Variants in PSTPIP1 observed in about 807,000 individuals in gnomAD.
PSTPIP1 encodes the protein proline-serine-threonine phosphatase-interacting protein 1.
In PSTPIP1, 66 loss-of-function variants were observed where a neutral mutation model predicts 69.6. The ratio of observed to expected loss-of-function variants is 0.95; its 90% CI spans 0.78 to 1.16. The LOEUF is 1.16. Among genes scored for constraint, PSTPIP1 ranks in the 50% most tolerant of loss-of-function variants. The pLI, the probability that PSTPIP1 is intolerant of heterozygous loss-of-function variation, is 0.00. For synonymous variants in PSTPIP1, 266 were observed against 222.7 expected (o/e 1.19, Z -1.73); for missense variants, 603 against 557.4 (o/e 1.08, Z -0.82).
chr15:77,016,037 T>C (rs761188054), intron 1 of PSTPIP1: 1 of 456,166 alleles, frequency 2.2e-6, no homozygotes, highest in Non-Finnish European at 4.4e-6. Flanking sequence ...GGGGCCTCCA[T>C]AAGGACAGGA....
At chr15:77,011,641 A>G (rs2075936343) in intron 1 of PSTPIP1, among the ~76,000 whole-genome samples, 1 of 152,182 alleles carries the variant, frequency 6.6e-6, no homozygotes, top group Non-Finnish European at 1.5e-5. Flanking sequence ...GGGCCATCTC[A>G]GACAGCTGTA....
intron 1 of PSTPIP1, among the ~76,000 whole-genome samples, chr15:77,016,702 GGGGGCACTGTT>G (rs2076059406): frequency 6.6e-6 from 1 of 152,004 alleles, no homozygotes. Context: ...TGTGGGGAGG[GGGGGCACTGTT>G]GGGGCAATTT....
chr15:77,035,436 C>G, intron 12 of PSTPIP1, 72 bp from the exon 13 acceptor site: 1 of 1,479,348 alleles, frequency 6.8e-7, no homozygotes, highest in Non-Finnish European at 9.2e-7. Context: ...CTCTCCCTGT[C>G]TAAACCCTCC....
chr15:77,018,307 C>A, intron 2 of PSTPIP1, 59 bp downstream of exon 2: 2 of 1,543,656 alleles, frequency 1.3e-6, no homozygotes, highest in East Asian at 4.9e-5. Flanking sequence ...TTCCGCTCGG[C>A]TCCTGGGACA....
At chr15:77,018,062 C>T (rs1484161947) in intron 1 of PSTPIP1, 86 bp from the exon 2 acceptor site, 2 of 1,362,408 alleles carry the variant, frequency 1.5e-6, no homozygotes, top group Non-Finnish European at 2.0e-6. Context: ...GAGGCTGTTC[C>T]CAGAGATGGT....
At chr15:76,995,022 G>A (rs2075541602), upstream of PSTPIP1, 4 of 1,191,942 alleles carry the variant, frequency 3.4e-6, no homozygotes, top group Non-Finnish European at 4.3e-6. Context: ...GGCAAGCAGA[G>A]GCAGGAGCAG....
chr15:77,029,211 G>A (rs929254932), intron 7 of PSTPIP1, among the ~76,000 whole-genome samples: 16 of 152,236 alleles, frequency 1.1e-4, no homozygotes, highest in African/African-American at 3.6e-4. Context: ...GGTGAGCTGG[G>A]GGCAGTCAGT....
At position 77,037,048 on chromosome 15, in the gene PSTPIP1, C is replaced by T; in HGVS notation, c.1123C>T (p.Pro375Ser). ...GCGCTTTCAATCTCTTGGCCAGAAC[C>T]CAGATGAGCTGGACCTGTCCGCGGG... Reference protein sequence around the residue: ...RALYDYTAQNPDELDLSAGDI... With the variant: ...RALYDYTAQNSDELDLSAGDI... Residue 375 changes from proline (P) to serine (S), a missense_variant, in exon 15 of 15, where the codon CCA (proline) becomes TCA (serine). Coordinates refer to ENST00000558012, the MANE Select transcript of PSTPIP1 (RefSeq NM_003978.5). 7 of 1,612,046 alleles carry T rather than the reference C, an allele frequency of 4.3e-6. No homozygotes were observed. The highest frequency in any genetic ancestry group is 5.9e-6 in the Non-Finnish European group (7 of 1,179,522).
chr15:77,005,202 G>A (rs1024362698), intron 1 of PSTPIP1, among the ~76,000 whole-genome samples: 4 of 152,150 alleles, frequency 2.6e-5, no homozygotes, highest in African/African-American at 9.7e-5. Flanking sequence ...TGGCCAACAT[G>A]GTGAAACCCT....
At chr15:77,001,431 A>G (rs1344883776) in intron 1 of PSTPIP1, among the ~76,000 whole-genome samples, 23 of 152,214 alleles carry the variant, frequency 1.5e-4, no homozygotes, top group Admixed American at 1.5e-3. Context: ...GCCCTGCTGG[A>G]AACCAGAGCC....
intron 3 of PSTPIP1, among the ~76,000 whole-genome samples, 179 bp from the exon 4 acceptor site, chr15:77,025,105 G>C (rs1240292914): frequency 6.6e-6 from 1 of 152,132 alleles, no homozygotes; most frequent in Non-Finnish European, 1.5e-5. Context: ...CCAGAAATCA[G>C]TCTGGGGCCC....
intron 12 of PSTPIP1, 53 bp from the exon 13 acceptor site, chr15:77,035,454 TG>T (rs2076536757): frequency 6.6e-7 from 1 of 1,522,596 alleles, no homozygotes; most frequent in Non-Finnish European, 8.9e-7. Context: ...TCCCTCCTGG[TG>T]GGTCCCTGAG....
At chr15:76,994,869 G>A, upstream of PSTPIP1, 1 of 1,288,966 alleles carries the variant, frequency 7.8e-7, no homozygotes, top group East Asian at 5.5e-5. Flanking sequence ...TGGCATCTCT[G>A]GGCCCAGCCT....
rs2075545550 is a variant in PSTPIP1 at position 76,995,152 on chromosome 15, G to GCCTA, written c.-419_-418insACCT. The GCCTA allele has an allele frequency of 3.8e-6, 4 of 1,059,070 alleles. No homozygotes were observed. Among genetic ancestry groups the GCCTA allele is most frequent in the Non-Finnish European group, 2.4e-6 (2 of 840,980 alleles). 65.6% of individuals were successfully genotyped at this position (1,059,070 alleles called of 1,614,324 possible). On this transcript the variant is annotated 5_prime_UTR_variant, in exon 1 of 15. Transcript: ENST00000558012. Reference sequence around the variant, plus strand: ...AACCTTCCTGCGCAGGCCTCGGGCTGCCTGCCTGCCTGCCTGCCTGGCCCG... The same window carrying GCCTA: ...AACCTTCCTGCGCAGGCCTCGGGCTGCCTACCTGCCTGCCTGCCTGCCTGGCCCG...
At chr15:76,994,894 C>T, upstream of PSTPIP1, 2 of 1,286,302 alleles carry the variant, frequency 1.6e-6, no homozygotes, top group South Asian at 2.5e-5. Context: ...GGGTGCTGGA[C>T]TGGCTGGCGG....
intron 1 of PSTPIP1, among the ~76,000 whole-genome samples, chr15:77,011,715 C>G (rs2075937955): frequency 6.6e-6 from 1 of 152,120 alleles, no homozygotes; most frequent in Admixed American, 6.5e-5. Flanking sequence ...AGTCAGGGGA[C>G]CCCTAGACAC....
At chr15:76,997,980 G>A (rs1179082411) in intron 1 of PSTPIP1, among the ~76,000 whole-genome samples, 5 of 152,240 alleles carry the variant, frequency 3.3e-5, no homozygotes, top group Non-Finnish European at 7.3e-5. Flanking sequence ...GTTCACGCCT[G>A]TAATCCCAGC....
chr15:77,037,238 T>C lies in PSTPIP1; in HGVS notation c.*62T>C. 6.5e-7 allele frequency: 1 copy of C among 1,540,922 alleles called. No individual in the cohort carries two copies. Among genetic ancestry groups the C allele is most frequent in the East Asian group, 2.4e-5 (1 of 40,910 alleles). On this transcript the variant is annotated 3_prime_UTR_variant, in exon 15 of 15. Coordinates refer to ENST00000558012, the MANE Select transcript of PSTPIP1 (RefSeq NM_003978.5). ...GTGGAGCCAGCAGTGCCCCCAGCAC[T>C]GTCCCCACCTTGCTAGGGCCCAGAA...
At chr15:77,026,157 G>A in intron 5 of PSTPIP1, 1 of 456,136 alleles carries the variant, frequency 2.2e-6, no homozygotes, top group Non-Finnish European at 4.4e-6. Flanking sequence ...TGGAAGTGAA[G>A]TCCCCATCAT....
Sources: gnomAD v4.1 joint callset for allele counts (sites outside exome capture counted in the v4.1 genomes callset) on GRCh38, gnomAD v4.1.1 for gene constraint, MANE v1.5 for transcripts, NCBI Gene and HGNC (gene_info 2026-07-23, HGNC 2026-07-21) for gene names.